The following DNAH1 variants were observed in gnomAD, a reference collection of about 807,000 sequenced individuals.
DNAH1 encodes dynein axonemal heavy chain 1, also known as axonemal beta dynein heavy chain 1.
Under a neutral mutation model 484.3 loss-of-function variants are expected in DNAH1, and 327 were observed. The observed-to-expected ratio is 0.68, with a 90% CI of 0.62 to 0.74. The LOEUF is 0.74. Ranked by LOEUF, DNAH1 falls within the 30% of genes least tolerant of loss-of-function variation. The pLI is 0.00. For missense variants in DNAH1, 5,052 were observed against 5,546.8 expected (o/e 0.91, Z 2.83); for synonymous variants, 2,192 against 2,191.9 (o/e 1.00, Z 0.00).
rs756612079 is a variant in DNAH1, at chr3:52,384,909, ATCC to A, written c.8449_8451del (p.Leu2817del). 15 of 1,613,662 alleles carry A rather than the reference ATCC, an allele frequency of 9.3e-6. No homozygotes were observed. Among genetic ancestry groups the A allele is most frequent in the African/African-American group, 1.3e-5 (1 of 75,038 alleles). On this transcript the variant is annotated inframe_deletion, in exon 53 of 78. Coordinates refer to ENST00000420323, the MANE Select transcript of DNAH1 (RefSeq NM_015512.5). ...CTTGGAGCTGCTTCATATTTTCTCCATCCTCATCGGGCAGAAGAAACTGGAGCT... is the reference window on the plus strand; with the variant it reads ...CTTGGAGCTGCTTCATATTTTCTCCATCATCGGGCAGAAGAAACTGGAGCT...
chr3:52,371,756 G>C (rs1703347366), intron 41 of DNAH1, among the ~76,000 whole-genome samples, 190 bp from the exon 42 acceptor site: 1 of 152,220 alleles, frequency 6.6e-6, no homozygotes, highest in South Asian at 2.1e-4. Context: ...TGTGCTGGGA[G>C]TCCCCCTCCC....
chr3:52,361,485 C>A lies in DNAH1; in HGVS notation c.4874+133C>A. ...GGGGACAGAAGGGGGTAATAGGCAT[C>A]ACGGCTTGGTCCTGGGGGCATTGGG... On this transcript the variant is annotated intron_variant, in intron 29 of 77. Coordinates refer to ENST00000420323, the MANE Select transcript of DNAH1 (RefSeq NM_015512.5). This position sits in a 1 kb window ranked among gnomAD's most constrained non-coding sequence, Gnocchi z 5.6. 7.8e-7 allele frequency: 1 copy of A among 1,276,158 alleles called. No homozygotes were observed. Among genetic ancestry groups the A allele is most frequent in the Non-Finnish European group, 1.1e-6 (1 of 929,934 alleles). The allele number at this position is 1,276,158 out of a possible 1,614,324, so 79.1% of individuals were successfully genotyped here. A position where few individuals can be genotyped will look rare whatever the true frequency, so the allele number is the denominator to read the frequency against.
chr3:52,347,938 C>T lies in DNAH1; in HGVS notation c.2070C>T (p.Gly690=), dbSNP rs764489877. Residue 690 remains glycine, a synonymous_variant, in exon 12 of 78, where the codon GGC becomes GGT. Coordinates refer to ENST00000420323, the MANE Select transcript of DNAH1 (RefSeq NM_015512.5). ...EASLLNLFDK[G]ILATHAVPQL... ...CTCTGCTGAACCTCTTCGACAAGGG[C>T]ATCCTGGCCACCCATGCCGTGCCCC... 6 of 1,610,868 alleles carry T rather than the reference C, an allele frequency of 3.7e-6. No homozygotes were observed. Among genetic ancestry groups the T allele is most frequent in the South Asian group, 3.3e-5 (3 of 90,230 alleles).
chr3:52,389,669 A>C (rs1578195870), intron 60 of DNAH1, 83 bp downstream of exon 60: 1 of 1,255,134 alleles, frequency 8.0e-7, no homozygotes. Flanking sequence ...CCTCCTTCCT[A>C]CCCTGCTTTC....
chr3:52,392,357 T>C, intron 63 of DNAH1, 107 bp from the exon 64 acceptor site: 1 of 1,007,640 alleles, frequency 9.9e-7, no homozygotes, highest in Non-Finnish European at 1.5e-6. Flanking sequence ...GCAAGGATGC[T>C]GGGCTCTTGG....
chr3:52,336,589 C>T (rs946528883), intron 8 of DNAH1, among the ~76,000 whole-genome samples: 58 of 152,092 alleles, frequency 3.8e-4, no homozygotes, highest in African/African-American at 1.2e-3. Context: ...ATATGTAATC[C>T]ATCCTGAGTT....
At position 52,355,111 on chromosome 3, in the gene DNAH1, C is replaced by T; in HGVS notation, c.3693+56C>T. 6.5e-7 allele frequency: 1 copy of T among 1,545,018 alleles called. No individual in the cohort carries two copies. Among genetic ancestry groups the T allele is most frequent in the South Asian group, 1.1e-5 (1 of 89,510 alleles). On this transcript the variant is annotated intron_variant, in intron 21 of 77. Coordinates refer to ENST00000420323, the MANE Select transcript of DNAH1 (RefSeq NM_015512.5). This position sits in a 1 kb window ranked among gnomAD's most constrained non-coding sequence, Gnocchi z 4.5. ...GCTCCCCCACTTCAGAGAGCCCGAC[C>T]CACAGGTGTCACTGATGGTCTCCGG... is the stretch of plus-strand genomic sequence containing the variant.
chr3:52,370,341 G>T, intron 39 of DNAH1, 112 bp downstream of exon 39: 2 of 1,539,996 alleles, frequency 1.3e-6, no homozygotes, highest in Non-Finnish European at 8.9e-7. Context: ...GGTGCAACAT[G>T]GACAAGACCA....
rs763382260 is a variant in DNAH1, at chr3:52,361,195, C to T, written c.4717C>T (p.Leu1573Phe). The T allele has an allele frequency of 6.2e-6, 10 of 1,611,980 alleles. No homozygotes were observed. The highest frequency in any genetic ancestry group is 8.5e-6 in the Non-Finnish European group (10 of 1,179,226). The change falls in exon 29 of 78, where the codon CTC (leucine) becomes TTC (phenylalanine). Residue 1573 changes from leucine (L) to phenylalanine (F), a missense_variant. Transcript: ENST00000420323. The surrounding 1 kb of genome is among the most constrained non-coding windows in gnomAD (Gnocchi z 5.6). ...CYLTLTGALH[L>F]KFGGAPAGPA... ...CCTGACACTGACCGGAGCTCTGCAC[C>T]TCAAGTTTGGGGGTGCCCCAGCTGG...
intron 26 of DNAH1, among the ~76,000 whole-genome samples, chr3:52,359,700 ACAG>A (rs1158467633): frequency 1.3e-5 from 2 of 152,144 alleles, no homozygotes; most frequent in Non-Finnish European, 2.9e-5. Flanking sequence ...AAGGGTTCAG[ACAG>A]CACGACATGC....
At chr3:52,385,148 A>G (rs1335523235) in intron 53 of DNAH1, among the ~76,000 whole-genome samples, 171 bp downstream of exon 53, 4 of 152,230 alleles carry the variant, frequency 2.6e-5, no homozygotes, top group Admixed American at 2.6e-4. Context: ...GTCAAGGGCC[A>G]GGCCAAAGCG....
Position 52,381,610 on chromosome 3 carries a change from C to T in DNAH1, c.7609-30C>T, listed in dbSNP as rs533775269. On this transcript the variant is annotated intron_variant, in intron 48 of 77. Transcript: ENST00000420323. This position sits in a 1 kb window ranked among gnomAD's most constrained non-coding sequence, Gnocchi z 4.1. ...GGAGACCCTACAGTAAGAGAGACCCCGCCTTCCCCATCCTCGCCTTGGTGC... is the reference window on the plus strand; with the variant it reads ...GGAGACCCTACAGTAAGAGAGACCCTGCCTTCCCCATCCTCGCCTTGGTGC... The T allele has an allele frequency of 1.0e-4, 161 of 1,566,268 alleles. 1 individual carries two copies. In the South Asian group the frequency reaches 1.6e-3, roughly 15 times the overall value.
intron 1 of DNAH1, 108 bp from the exon 2 acceptor site, chr3:52,322,272 CTCCCTCCTTCTTGCTCTTCTGTTACCCAT>C: frequency 1.6e-6 from 1 of 615,918 alleles, no homozygotes. Context: ...GAGGAGACCA[CTCCCTCCTTCTTGCTCTTCTGTTACCCAT>C]GGGTCATGGG....
chr3:52,367,327 TC>T (rs1394801178), intron 36 of DNAH1, among the ~76,000 whole-genome samples: 1 of 152,094 alleles, frequency 6.6e-6, no homozygotes, highest in Non-Finnish European at 1.5e-5. Context: ...ATTCTGTTTC[TC>T]CAGGCAAGAG....
chr3:52,383,093 C>T (rs1486885120), intron 50 of DNAH1, among the ~76,000 whole-genome samples: 1 of 152,224 alleles, frequency 6.6e-6, no homozygotes, highest in Admixed American at 6.5e-5. Context: ...CCATGGTTTC[C>T]TCTTGTGAGT....
chr3:52,377,084 G>A (rs897424276), intron 46 of DNAH1, among the ~76,000 whole-genome samples: 4 of 152,086 alleles, frequency 2.6e-5, no homozygotes, highest in African/African-American at 9.7e-5. Context: ...CTTTGTGCTG[G>A]CAACTCCCAA....
intron 54 of DNAH1, among the ~76,000 whole-genome samples, chr3:52,385,728 A>G (rs1330995680): frequency 6.6e-6 from 1 of 152,222 alleles, no homozygotes; most frequent in African/African-American, 2.4e-5. Flanking sequence ...ACAGGGCCCC[A>G]TGTTGGAGGG....
At chr3:52,346,071 C>T (rs1221939979) in intron 10 of DNAH1, among the ~76,000 whole-genome samples, 1 of 152,168 alleles carries the variant, frequency 6.6e-6, no homozygotes, top group South Asian at 2.1e-4. Context: ...TGGGGGTGCA[C>T]CCCCTCTGCA....
chr3:52,338,030 G>A (rs58781613), intron 8 of DNAH1, among the ~76,000 whole-genome samples: 8,663 of 152,194 alleles, frequency 0.057, 779 homozygotes, highest in African/African-American at 0.19. Context: ...TTGGGCTCAA[G>A]CAATCTGCTC....
Sources: gnomAD v4.1 joint callset for allele counts (sites outside exome capture counted in the v4.1 genomes callset) on GRCh38, gnomAD v4.1.1 for gene constraint, Gnocchi (gnomAD v3.1) non-coding constraint, MANE v1.5 for transcripts, NCBI Gene and HGNC (gene_info 2026-07-23, HGNC 2026-07-21) for gene names.